Variants in TLL1 observed in about 807,000 individuals in gnomAD.
TLL1 encodes tolloid-like protein 1.
A neutral mutation model predicts 128.2 loss-of-function variants in TLL1; 49 were observed. The ratio of observed to expected loss-of-function variants is 0.38; its 90% CI spans 0.30 to 0.48. The LOEUF (loss-of-function observed/expected upper bound fraction) is 0.48, where lower values mean the gene tolerates loss of function less well. TLL1 is among the 20% of genes least tolerant of loss of function. TLL1 has a pLI of 0.96. For missense variants in TLL1, 1,123 were observed against 1,242.0 expected, an observed-to-expected ratio of 0.90 and a Z score of 1.44; for synonymous variants, 454 against 418.8, an observed-to-expected ratio of 1.08 and a Z score of -1.03.
chr4:165,985,416 A>C (rs1346533418), intron 1 of TLL1, among the ~76,000 whole-genome samples: 1 of 152,038 alleles, frequency 6.6e-6, no homozygotes, highest in African/African-American at 2.4e-5. Flanking sequence ...TTTTCTCCTG[A>C]GTGGACAGAA....
chr4:166,084,899 T>C (rs186727636), intron 18 of TLL1, among the ~76,000 whole-genome samples: 2 of 151,594 alleles, frequency 1.3e-5, no homozygotes, highest in African/African-American at 4.9e-5. Flanking sequence ...TATGGTTCCA[T>C]ACACATTTTA....
chr4:165,968,310 G>T (rs1321284973), intron 1 of TLL1, among the ~76,000 whole-genome samples: 1 of 152,122 alleles, frequency 6.6e-6, no homozygotes, highest in Non-Finnish European at 1.5e-5. Context: ...GCCATCATAT[G>T]ATATACCTAA....
intron 17 of TLL1, among the ~76,000 whole-genome samples, chr4:166,076,984 C>T (rs762041433): frequency 2.6e-5 from 4 of 152,074 alleles, no homozygotes; most frequent in Non-Finnish European, 4.4e-5. Context: ...AAGGGTATAA[C>T]AAGTGTGTTG....
chr4:166,077,803 A>G, intron 17 of TLL1, 100 bp from the exon 18 acceptor site: 1 of 1,553,814 alleles, frequency 6.4e-7, no homozygotes, highest in Non-Finnish European at 8.8e-7. Flanking sequence ...GGTATTCAGG[A>G]AAATCTTTCA....
chr4:165,903,726 G>A (rs1192519412), intron 1 of TLL1, among the ~76,000 whole-genome samples: 1 of 129,978 alleles, frequency 7.7e-6, no homozygotes, highest in Non-Finnish European at 1.6e-5. Context: ...TAGATCTTAA[G>A]TTCTTATCAC....
At position 165,892,738 on chromosome 4, in the gene TLL1, A is replaced by G. The variant is rs75092836; in HGVS notation, c.169+18665A>G. Among the ~76,000 whole-genome samples the G allele has an allele frequency of 4.2e-3, 642 of 152,280 alleles. 9 individuals are homozygous for G. Among genetic ancestry groups the G allele is most frequent in the African/African-American group, 0.015 (615 of 41,560 alleles). On this transcript the variant is annotated intron_variant, in intron 1 of 20. Transcript: ENST00000061240. ...GCAACCCTGAGAATTATTCTAAACT[A>G]CTTCACATGTTTGTTTTGGGACAGC...
chr4:166,059,220 C>A (rs898975552), intron 14 of TLL1, among the ~76,000 whole-genome samples: 1 of 151,836 alleles, frequency 6.6e-6, no homozygotes, highest in East Asian at 1.9e-4. Flanking sequence ...CACACACACA[C>A]ACACATACAC....
intron 1 of TLL1, chr4:165,919,842 C>T (rs1229063048): frequency 2.2e-6 from 1 of 456,056 alleles, no homozygotes; most frequent in Admixed American, 2.3e-5. Flanking sequence ...AGACTGACCA[C>T]TGCTCTAAGC....
intron 1 of TLL1, among the ~76,000 whole-genome samples, chr4:165,946,881 T>C (rs751824835): frequency 5.9e-5 from 9 of 152,010 alleles, no homozygotes; most frequent in Non-Finnish European, 8.8e-5. Context: ...GAACATGTGA[T>C]TGGAAACTGG....
chr4:166,033,755 T>C (rs1738878085), intron 9 of TLL1, among the ~76,000 whole-genome samples: 1 of 152,176 alleles, frequency 6.6e-6, no homozygotes, highest in Non-Finnish European at 1.5e-5. Context: ...AAGGTTATCC[T>C]TGATGTTGCA....
intron 1 of TLL1, among the ~76,000 whole-genome samples, chr4:165,955,664 C>A (rs1212603815): frequency 6.6e-6 from 1 of 152,026 alleles, no homozygotes; most frequent in Non-Finnish European, 1.5e-5. Flanking sequence ...AAATTTCAAC[C>A]AAGAGTTTCA....
intron 12 of TLL1, among the ~76,000 whole-genome samples, chr4:166,045,245 A>G (rs1739411298): frequency 6.6e-6 from 1 of 152,140 alleles, no homozygotes; most frequent in African/African-American, 2.4e-5. Flanking sequence ...ACATATTTTG[A>G]TATCTGGTAG....
At chr4:166,007,634 G>A (rs2111040739) in intron 6 of TLL1, among the ~76,000 whole-genome samples, 1 of 151,820 alleles carries the variant, frequency 6.6e-6, no homozygotes, top group African/African-American at 2.4e-5. Context: ...ATTACCAAAA[G>A]TGCAGTAAGA....
intron 1 of TLL1, among the ~76,000 whole-genome samples, chr4:165,964,834 G>A (rs977182825): frequency 1.1e-4 from 16 of 152,062 alleles, no homozygotes; most frequent in Middle Eastern, 3.2e-3. Flanking sequence ...CTATTCAGGC[G>A]GCTGTGGTGG....
At chr4:166,029,188 C>T (rs189469137) in intron 9 of TLL1, among the ~76,000 whole-genome samples, 1 of 151,802 alleles carries the variant, frequency 6.6e-6, no homozygotes, top group Non-Finnish European at 1.5e-5. Context: ...ATTTTTCTCT[C>T]TACTGGTTTG....
chr4:166,017,984 T>G (rs1579629543), intron 8 of TLL1, among the ~76,000 whole-genome samples: 1 of 152,008 alleles, frequency 6.6e-6, no homozygotes, highest in East Asian at 1.9e-4. Flanking sequence ...GAGTTAAAGA[T>G]TCATAACTGT....
intron 1 of TLL1, among the ~76,000 whole-genome samples, chr4:165,938,092 A>G (rs918423801): frequency 1.2e-4 from 18 of 151,994 alleles, no homozygotes; most frequent in Admixed American, 6.5e-5. Flanking sequence ...CTCTTTGGAT[A>G]CACAGTTTGA....
intron 7 of TLL1, among the ~76,000 whole-genome samples, chr4:166,010,284 A>G (rs1324210356): frequency 6.6e-6 from 1 of 151,346 alleles, no homozygotes; most frequent in African/African-American, 2.4e-5. Context: ...ATGGGTGTGC[A>G]AATATCTCTC....
rs183114749 is a variant in TLL1, at chr4:165,901,003, T to G, written c.169+26930T>G. On this transcript the variant is annotated intron_variant, in intron 1 of 20. Transcript: ENST00000061240. ...CATTAAGTTGATCTTCAACCTCTGA[T>G]ATTTTTTCTTCTGCTTGGTTGATTC... Among the ~76,000 whole-genome samples the G allele has an allele frequency of 9.6e-5, 13 of 135,578 alleles. No homozygotes were observed. In the East Asian group the frequency reaches 3.4e-3, roughly 35 times the overall value. The allele number at this position is 135,578 out of a possible 152,430, so 88.9% of individuals were successfully genotyped here.
Sources: allele counts gnomAD v4.1 joint callset (sites outside exome capture counted in the v4.1 genomes callset), GRCh38; gene constraint gnomAD v4.1.1; transcripts MANE v1.5; gene names NCBI Gene and HGNC (gene_info 2026-07-23, HGNC 2026-07-21).